Variants in CSMD3 observed in about 807,000 individuals in gnomAD.
CSMD3 encodes CUB and Sushi multiple domains 3.
In CSMD3, 177 loss-of-function variants were observed where a neutral mutation model predicts 435.2. The observed-to-expected ratio is 0.41, with a 90% CI of 0.36 to 0.46. The LOEUF is 0.46. CSMD3 is among the 20% of genes least tolerant of loss of function. The probability of loss-of-function intolerance (pLI) is 0.34; values close to 1 mark genes in which losing one functional copy is unlikely to be tolerated. For missense variants in CSMD3, 4,265 were observed against 4,504.6 expected (o/e 0.95, Z 1.52); for synonymous variants, 1,656 against 1,520.5 (o/e 1.09, Z -2.07).
At chr8:112,461,354 G>T (rs1817424860) in intron 32 of CSMD3, among the ~76,000 whole-genome samples, 2 of 152,030 alleles carry the variant, frequency 1.3e-5, no homozygotes, top group Non-Finnish European at 2.9e-5. Context: ...TACTAAAAAA[G>T]GCTGTATGTA....
chr8:112,412,429 TC>T (rs1361970983), intron 32 of CSMD3, among the ~76,000 whole-genome samples: 1 of 152,108 alleles, frequency 6.6e-6, no homozygotes, highest in African/African-American at 2.4e-5. Flanking sequence ...AAGCTTCTTT[TC>T]TGTTTTCTTA....
chr8:112,526,067 A>G (rs558846236), intron 27 of CSMD3, among the ~76,000 whole-genome samples: 19 of 151,048 alleles, frequency 1.3e-4, no homozygotes, highest in African/African-American at 4.4e-4. Flanking sequence ...GTTTTCAATA[A>G]TTGCTTTCAA....
intron 13 of CSMD3, among the ~76,000 whole-genome samples, chr8:112,772,127 G>T (rs531399599): frequency 1.3e-5 from 2 of 151,274 alleles, no homozygotes; most frequent in African/African-American, 4.9e-5. Flanking sequence ...GGGGCTCAAG[G>T]TAGAAGGTTT....
intron 1 of CSMD3, among the ~76,000 whole-genome samples, chr8:113,359,383 T>C (rs1393838361): frequency 6.6e-6 from 1 of 152,172 alleles, no homozygotes; most frequent in African/African-American, 2.4e-5. Flanking sequence ...GGTTTAATTG[T>C]GTAGTAAAAG....
intron 13 of CSMD3, among the ~76,000 whole-genome samples, chr8:112,752,755 C>A (rs759991556): frequency 9.9e-5 from 15 of 151,982 alleles, no homozygotes; most frequent in African/African-American, 3.6e-4. Context: ...AAAATAAATA[C>A]AAAATAGAGA....
chr8:112,526,625 G>T (rs1268496148), intron 27 of CSMD3, among the ~76,000 whole-genome samples: 2 of 151,698 alleles, frequency 1.3e-5, no homozygotes, highest in Non-Finnish European at 2.9e-5. Flanking sequence ...TTATTATAAG[G>T]TTATGTACCA....
intron 5 of CSMD3, among the ~76,000 whole-genome samples, chr8:113,086,219 A>C (rs963213045): frequency 1.3e-5 from 2 of 151,636 alleles, no homozygotes; most frequent in Admixed American, 1.3e-4. Flanking sequence ...ACTGCACTCC[A>C]GCCTGGGCAA....
At chr8:113,278,305 G>A (rs2093587187) in intron 3 of CSMD3, among the ~76,000 whole-genome samples, 1 of 151,788 alleles carries the variant, frequency 6.6e-6, no homozygotes, top group African/African-American at 2.4e-5. Context: ...GGTCTGTGAT[G>A]CCTGACACAC....
At chr8:112,276,666 C>T (rs1334751040) in intron 59 of CSMD3, among the ~76,000 whole-genome samples, 2 of 152,148 alleles carry the variant, frequency 1.3e-5, no homozygotes, top group African/African-American at 2.4e-5. Context: ...CAAGGTACAG[C>T]TCAGGCCATG....
intron 44 of CSMD3, among the ~76,000 whole-genome samples, 198 bp downstream of exon 44, chr8:112,336,454 G>A (rs765539493): frequency 2.0e-5 from 3 of 152,048 alleles, no homozygotes; most frequent in Non-Finnish European, 4.4e-5. Context: ...TGCTTACCTA[G>A]TTCATGGGGC....
chr8:113,053,658 T>C (rs1474719127), intron 5 of CSMD3, among the ~76,000 whole-genome samples: 2 of 152,136 alleles, frequency 1.3e-5, no homozygotes, highest in Non-Finnish European at 2.9e-5. Context: ...GAAGTTTGTA[T>C]AAATGGGCTA....
chr8:112,752,897 CCG>C (rs1249866767), intron 13 of CSMD3, among the ~76,000 whole-genome samples: 6 of 107,112 alleles, frequency 5.6e-5, no homozygotes, highest in South Asian at 3.1e-4. Context: ...GTATTTGTTA[CCG>C]CGTGTGTGTG....
At chr8:112,314,189 A>C in intron 48 of CSMD3, 137 bp from the exon 49 acceptor site, 1 of 756,268 alleles carries the variant, frequency 1.3e-6, no homozygotes, top group East Asian at 2.7e-5. Context: ...AATAATTGAA[A>C]ACATAAAATG....
chr8:112,677,776 T>C (rs2075800632), intron 16 of CSMD3, among the ~76,000 whole-genome samples: 1 of 151,984 alleles, frequency 6.6e-6, no homozygotes, highest in Non-Finnish European at 1.5e-5. Flanking sequence ...AGAAACTTTC[T>C]CCTGAAATAA....
At chr8:112,544,796 G>T (rs1211302606) in intron 27 of CSMD3, among the ~76,000 whole-genome samples, 1 of 151,918 alleles carries the variant, frequency 6.6e-6, no homozygotes, top group Non-Finnish European at 1.5e-5. Flanking sequence ...CTTTCCTTTT[G>T]GACATCTTAG....
chr8:112,770,494 T>A (rs868437185), intron 13 of CSMD3, among the ~76,000 whole-genome samples: 12 of 152,016 alleles, frequency 7.9e-5, no homozygotes, highest in Admixed American at 6.6e-4. Context: ...TTCTTTTTTT[T>A]AAATAAAATA....
At chr8:112,232,494 AGCTATTCAGGAGGCTGAGGCAGGAGAATC>A in intron 68 of CSMD3, among the ~76,000 whole-genome samples, 1 of 152,258 alleles carries the variant, frequency 6.6e-6, no homozygotes, top group East Asian at 1.9e-4. Flanking sequence ...CTGTAATCCC[AGCTATTCAGGAGGCTGAGGCAGGAGAATC>A]GCTTGAACCT....
At chr8:112,891,561 A>G (rs1314966197) in intron 10 of CSMD3, among the ~76,000 whole-genome samples, 1 of 151,408 alleles carries the variant, frequency 6.6e-6, no homozygotes, top group East Asian at 2.0e-4. Flanking sequence ...ATCAGGTTCT[A>G]TCTAGGCCTA....
In CSMD3 at chr8:112,548,384, T is replaced by C. The variant is rs1827377408; in HGVS notation, c.4564+2287A>G. ...ATAATATATAACTGAAAGCTTTCTA[T>C]TCCCCCTGGCATATTAATGCATGTA... On this transcript the variant is annotated intron_variant, in intron 27 of 70. Coordinates refer to ENST00000297405, the MANE Select transcript of CSMD3 (RefSeq NM_198123.2). 2.0e-5 allele frequency among the ~76,000 whole-genome samples: 3 copies of C among 152,116 alleles called. 1 individual carries two copies. In the South Asian group the frequency reaches 6.2e-4, roughly 31 times the overall value.
Sources: allele counts gnomAD v4.1 joint callset (sites outside exome capture counted in the v4.1 genomes callset), GRCh38; gene constraint gnomAD v4.1.1; transcripts MANE v1.5; gene names NCBI Gene and HGNC (gene_info 2026-07-23, HGNC 2026-07-21).